The following RPS6KA2 variants were observed in gnomAD, a reference collection of about 807,000 sequenced individuals.
The protein encoded by RPS6KA2 is ribosomal protein S6 kinase alpha-2.
A neutral mutation model predicts 91.8 loss-of-function variants in RPS6KA2; 42 were observed. The observed-to-expected ratio is 0.46, with a 90% CI of 0.36 to 0.59. The LOEUF (loss-of-function observed/expected upper bound fraction) is 0.59, where lower values mean the gene tolerates loss of function less well. RPS6KA2 is among the 20% of genes least tolerant of loss of function. The pLI is 0.00. For synonymous variants in RPS6KA2, 414 were observed against 393.6 expected, an observed-to-expected ratio of 1.05 and a Z score of -0.61; for missense variants, 798 against 978.5, an observed-to-expected ratio of 0.82 and a Z score of 2.46.
intron 1 of RPS6KA2, among the ~76,000 whole-genome samples, chr6:166,579,800 T>C (rs1236635745): frequency 2.6e-5 from 4 of 152,240 alleles, no homozygotes; most frequent in African/African-American, 4.8e-5. Context: ...GATCACATTA[T>C]TGAAATTTTA....
chr6:166,610,209 A>G (rs1465200356), intron 1 of RPS6KA2, among the ~76,000 whole-genome samples: 1 of 152,362 alleles, frequency 6.6e-6, no homozygotes, highest in Non-Finnish European at 1.5e-5. Context: ...CATTTGATCA[A>G]TGTATAAATA....
At chr6:166,663,366 CAT>C (rs1788215539) in intron 2 of RPS6KA2, among the ~76,000 whole-genome samples, 1 of 152,164 alleles carries the variant, frequency 6.6e-6, no homozygotes, top group Non-Finnish European at 1.5e-5. Flanking sequence ...ACGTGAATCT[CAT>C]AGTGCTCTGC....
intron 1 of RPS6KA2, among the ~76,000 whole-genome samples, chr6:166,859,505 C>T (rs1284097488): frequency 1.4e-4 from 22 of 152,198 alleles, no homozygotes; most frequent in Non-Finnish European, 2.9e-5. Context: ...TAGATTCTGC[C>T]GGGGTTTTCT....
chr6:166,689,693 C>A (rs377343285), intron 2 of RPS6KA2, among the ~76,000 whole-genome samples: 26 of 152,254 alleles, frequency 1.7e-4, no homozygotes, highest in East Asian at 7.7e-4. Flanking sequence ...TTTGAAGCCT[C>A]GGGCATTTTA....
At chr6:166,633,979 G>A (rs892440982) in intron 2 of RPS6KA2, among the ~76,000 whole-genome samples, 2 of 152,194 alleles carry the variant, frequency 1.3e-5, no homozygotes, top group Non-Finnish European at 2.9e-5. Flanking sequence ...GGAGACGAGA[G>A]CAGAAAGAAA....
intron 1 of RPS6KA2, among the ~76,000 whole-genome samples, chr6:166,602,131 G>A (rs1168613848): frequency 6.6e-6 from 1 of 152,196 alleles, no homozygotes; most frequent in East Asian, 1.9e-4. Flanking sequence ...ACTGGCCATC[G>A]GGCAGTGCGT....
At chr6:166,593,456 T>G (rs1458978093) in intron 1 of RPS6KA2, among the ~76,000 whole-genome samples, 2 of 152,216 alleles carry the variant, frequency 1.3e-5, no homozygotes, top group African/African-American at 4.8e-5. Context: ...TGTGATCAAG[T>G]GTTAACAGAG....
chr6:166,428,711 C>T (rs1370023547), intron 16 of RPS6KA2, among the ~76,000 whole-genome samples: 5 of 151,992 alleles, frequency 3.3e-5, no homozygotes, highest in African/African-American at 9.7e-5. Context: ...AAAATGCTCA[C>T]CATCACTGGC....
At chr6:166,855,354 A>G (rs13215192) in intron 2 of RPS6KA2, among the ~76,000 whole-genome samples, 1 of 70,712 alleles carries the variant, frequency 1.4e-5, no homozygotes, top group African/African-American at 2.8e-5. Flanking sequence ...CGAAGAAGAC[A>G]AAGATGAAGA....
At chr6:166,819,042 T>C (rs2128622595) in intron 2 of RPS6KA2, among the ~76,000 whole-genome samples, 2 of 152,112 alleles carry the variant, frequency 1.3e-5, no homozygotes, top group South Asian at 4.2e-4. Flanking sequence ...ACCCTTTCAG[T>C]GGACAGAGCT....
intron 1 of RPS6KA2, among the ~76,000 whole-genome samples, chr6:166,614,794 T>C (rs1228641833): frequency 1.3e-5 from 2 of 152,144 alleles, no homozygotes; most frequent in South Asian, 2.1e-4. Context: ...GTCACACCCT[T>C]TCCCGCTTCT....
rs1035860089 is a variant in RPS6KA2, at chr6:166,612,689, G to C, written c.99+14232C>G. On this transcript the variant is annotated intron_variant, in intron 1 of 20. Transcript: ENST00000265678. The surrounding 1 kb of genome is among the most constrained non-coding windows in gnomAD (Gnocchi z 4.3). ...CGGGCGTCTGTTGTTACCCATGCTC[G>C]GGTAGGAAAATGCTGAGTGAAGGTA... Among the ~76,000 whole-genome samples, 2 of 152,126 alleles carry C rather than the reference G, an allele frequency of 1.3e-5. No individual in the cohort carries two copies. Among genetic ancestry groups the C allele is most frequent in the African/African-American group, 4.8e-5 (2 of 41,436 alleles).
chr6:166,768,528 G>A (rs1464307879), intron 2 of RPS6KA2, among the ~76,000 whole-genome samples: 1 of 152,140 alleles, frequency 6.6e-6, no homozygotes. Context: ...TCTGTGTTAG[G>A]AGTTTCAGCA....
chr6:166,779,513 C>G (rs1249918206), intron 2 of RPS6KA2, among the ~76,000 whole-genome samples: 2 of 152,166 alleles, frequency 1.3e-5, no homozygotes, highest in African/African-American at 2.4e-5. Flanking sequence ...GACCCCAACC[C>G]TTGGCTGGTG....
rs1002758977 is a variant in RPS6KA2, at chr6:166,563,408, T to G, written c.100-24624A>C. On this transcript the variant is annotated intron_variant, in intron 1 of 20. Transcript: ENST00000265678. This position sits in a 1 kb window ranked among gnomAD's most constrained non-coding sequence, Gnocchi z 4.1. ...CCTGGGCTCGCCGCCAGCGGTGGGA[T>G]CCCTCTTCCTGCACAGAACCGCCTC... 2.6e-5 allele frequency among the ~76,000 whole-genome samples: 4 copies of G among 152,164 alleles called. No homozygotes were observed. The highest frequency in any genetic ancestry group is 9.7e-5 in the African/African-American group (4 of 41,434).
rs542903148 is a variant in RPS6KA2 at position 166,846,298 on chromosome 6, C to T, written c.123+11902G>A. On this transcript the variant is annotated intron_variant, in intron 2 of 21. Coordinates refer to the RPS6KA2 transcript ENST00000503859. The stretch of plus-strand genomic sequence containing the variant: ...TCAGACATTCAAAGAAGAATTGGAA[C>T]CAAGCCTATTGACACTATTCCACAG... 9.2e-5 allele frequency among the ~76,000 whole-genome samples: 14 copies of T among 152,058 alleles called. No individual in the cohort carries two copies. The South Asian group carries it at 2.9e-3, about 32-fold the overall frequency.
intron 2 of RPS6KA2, among the ~76,000 whole-genome samples, chr6:166,695,806 A>T (rs542207132): frequency 1.3e-4 from 18 of 137,280 alleles, no homozygotes; most frequent in African/African-American, 6.1e-4. Flanking sequence ...CTGGATTCTC[A>T]TAGGAGCACT....
At chr6:166,447,090 G>A (rs1779705095) in intron 14 of RPS6KA2, among the ~76,000 whole-genome samples, 1 of 152,204 alleles carries the variant, frequency 6.6e-6, no homozygotes, top group Admixed American at 6.5e-5. Context: ...CCAATGGGAT[G>A]GAGGAGCAGG....
chr6:166,650,557 T>A (rs1787824712), intron 2 of RPS6KA2, among the ~76,000 whole-genome samples: 1 of 152,224 alleles, frequency 6.6e-6, no homozygotes, highest in Admixed American at 6.5e-5. Context: ...CGGCCATCAC[T>A]TCCGGGTCAG....
Sources: allele counts gnomAD v4.1 joint callset (sites outside exome capture counted in the v4.1 genomes callset), GRCh38; gene constraint gnomAD v4.1.1; non-coding constraint Gnocchi (gnomAD v3.1); transcripts MANE v1.5; gene names NCBI Gene and HGNC (gene_info 2026-07-23, HGNC 2026-07-21).